Variants in RGS7 observed in about 807,000 individuals in gnomAD.
RGS7 encodes regulator of G-protein signaling 7.
In RGS7, 27 loss-of-function variants were observed where a neutral mutation model predicts 81.1. That is an observed-to-expected ratio of 0.33 (90% confidence interval 0.25 to 0.46). The LOEUF is 0.46. RGS7 is among the 20% of genes least tolerant of loss of function. The pLI is 1.00. For synonymous variants in RGS7, 208 were observed against 207.7 expected (o/e 1.00, Z -0.01); for missense variants, 396 against 607.4 (o/e 0.65, Z 3.66).
intron 10 of RGS7, among the ~76,000 whole-genome samples, chr1:240,820,061 C>A (rs994887516): frequency 6.6e-6 from 1 of 151,820 alleles, no homozygotes; most frequent in Non-Finnish European, 1.5e-5. Flanking sequence ...TTTTGGCAGA[C>A]AAATTATGAA....
chr1:240,853,666 G>A (rs1482161968), intron 9 of RGS7, among the ~76,000 whole-genome samples: 2 of 152,070 alleles, frequency 1.3e-5, no homozygotes, highest in African/African-American at 2.4e-5. Flanking sequence ...AGCACTTTGG[G>A]AGGCCGAGGC....
At chr1:241,153,479 G>C (rs1452026996) in intron 2 of RGS7, among the ~76,000 whole-genome samples, 1 of 152,130 alleles carries the variant, frequency 6.6e-6, no homozygotes, top group Non-Finnish European at 1.5e-5. Flanking sequence ...AAAAAAAAGT[G>C]GTTAGATTTA....
At chr1:241,141,559 G>A (rs1199484414) in intron 2 of RGS7, among the ~76,000 whole-genome samples, 1 of 152,184 alleles carries the variant, frequency 6.6e-6, no homozygotes. Flanking sequence ...CTTCCTCATA[G>A]GGTGGCAGGA....
chr1:241,229,107 T>A (rs1380892223), intron 2 of RGS7, among the ~76,000 whole-genome samples: 2 of 151,166 alleles, frequency 1.3e-5, no homozygotes, highest in Non-Finnish European at 3.0e-5. Flanking sequence ...TGTGGGGTTT[T>A]AAAAAACAAA....
intron 6 of RGS7, among the ~76,000 whole-genome samples, chr1:240,926,115 C>A (rs903810983): frequency 6.6e-6 from 1 of 152,032 alleles, no homozygotes; most frequent in Non-Finnish European, 1.5e-5. Flanking sequence ...TGTGCAGAAA[C>A]TCTTCAGTTT....
At chr1:240,940,260 AG>A (rs2148392419) in intron 4 of RGS7, among the ~76,000 whole-genome samples, 1 of 152,286 alleles carries the variant, frequency 6.6e-6, no homozygotes, top group South Asian at 2.1e-4. Flanking sequence ...TAAAAAGTAT[AG>A]AAGTGTCTTG....
At chr1:240,785,189 T>C (rs1684855914) in intron 18 of RGS7, among the ~76,000 whole-genome samples, 1 of 152,216 alleles carries the variant, frequency 6.6e-6, no homozygotes, top group Non-Finnish European at 1.5e-5. Context: ...TTCCAAATCC[T>C]TCACTACCTG....
chr1:240,963,913 G>A (rs947227450), intron 4 of RGS7, among the ~76,000 whole-genome samples: 5 of 152,198 alleles, frequency 3.3e-5, no homozygotes, highest in South Asian at 4.1e-4. Context: ...TTGGGAGGCC[G>A]AAGCGGGTGG....
chr1:241,323,494 T>C (rs2081323272), intron 2 of RGS7, among the ~76,000 whole-genome samples: 1 of 152,196 alleles, frequency 6.6e-6, no homozygotes, highest in South Asian at 2.1e-4. Flanking sequence ...CACAAGCCAG[T>C]GGCAAACCTC....
chr1:240,866,114 G>A (rs1224327415), intron 9 of RGS7, among the ~76,000 whole-genome samples: 2 of 152,232 alleles, frequency 1.3e-5, no homozygotes, highest in African/African-American at 4.8e-5. Context: ...AATACAGGAA[G>A]TTATAATGTT....
At chr1:240,959,558 C>A (rs1449419869) in intron 4 of RGS7, among the ~76,000 whole-genome samples, 3 of 152,192 alleles carry the variant, frequency 2.0e-5, no homozygotes, top group Admixed American at 2.0e-4. Context: ...AAACTTTCAG[C>A]TCCATTATAA....
chr1:241,192,611 C>T (rs1341063335), intron 2 of RGS7, among the ~76,000 whole-genome samples: 5 of 152,136 alleles, frequency 3.3e-5, no homozygotes, highest in Non-Finnish European at 2.9e-5. Context: ...CTAGTCAAAA[C>T]ATGAATAATT....
At chr1:241,099,175 C>T (rs1478210410) in intron 2 of RGS7, among the ~76,000 whole-genome samples, 1 of 152,158 alleles carries the variant, frequency 6.6e-6, no homozygotes. Context: ...GCTTGAATTG[C>T]TTCTTCAAGC....
intron 2 of RGS7, among the ~76,000 whole-genome samples, chr1:241,325,490 A>G (rs1049451355): frequency 2.6e-5 from 4 of 152,222 alleles, no homozygotes; most frequent in African/African-American, 7.2e-5. Flanking sequence ...TGATGATATG[A>G]GAGGCATCTT....
At chr1:240,878,489 C>CTTTTTTTTTTTTTTTTT (rs57896753) in intron 6 of RGS7, among the ~76,000 whole-genome samples, 148 of 117,390 alleles carry the variant, frequency 1.3e-3, no homozygotes, top group Middle Eastern at 5.0e-3. Context: ...TTTTTTCTTT[C>CTTTTTTTTTTTTTTTTT]TTTTTTTTTT....
chr1:241,185,255 G>A (rs1288309366), intron 2 of RGS7, among the ~76,000 whole-genome samples: 7 of 152,054 alleles, frequency 4.6e-5, no homozygotes, highest in Non-Finnish European at 1.0e-4. Flanking sequence ...AATTTCTATT[G>A]TTTCTATTTG....
chr1:241,253,760 T>G (rs1045377376), intron 2 of RGS7, among the ~76,000 whole-genome samples: 1 of 152,140 alleles, frequency 6.6e-6, no homozygotes, highest in African/African-American at 2.4e-5. Flanking sequence ...TACAGTCCCC[T>G]CCCTTTTCCC....
At chr1:240,949,161 C>A (rs1476566628) in intron 4 of RGS7, among the ~76,000 whole-genome samples, 1 of 152,030 alleles carries the variant, frequency 6.6e-6, no homozygotes, top group Non-Finnish European at 1.5e-5. Flanking sequence ...CAATTTCTCC[C>A]CAGTTCTCCT....
intron 18 of RGS7, among the ~76,000 whole-genome samples, chr1:240,788,197 T>G (rs1220097374): frequency 6.6e-6 from 1 of 152,256 alleles, no homozygotes; most frequent in Non-Finnish European, 1.5e-5. Flanking sequence ...AGAAGTATCT[T>G]TTTCTTTTTA....
Sources: allele counts gnomAD v4.1 joint callset (sites outside exome capture counted in the v4.1 genomes callset), GRCh38; gene constraint gnomAD v4.1.1; transcripts MANE v1.5; gene names NCBI Gene and HGNC (gene_info 2026-07-23, HGNC 2026-07-21).